ASZ1: variants seen among roughly 807,000 people sequenced by gnomAD.
ASZ1 encodes ankyrin repeat, SAM and basic leucine zipper domain-containing protein 1.
ASZ1 carries 67 observed loss-of-function variants against 61.8 expected under a neutral mutation model. That is an observed-to-expected ratio of 1.08 (90% confidence interval 0.89 to 1.33). The LOEUF (loss-of-function observed/expected upper bound fraction) is 1.33. Among genes scored for constraint, ASZ1 ranks in the 40% most tolerant of loss-of-function variants. The probability of loss-of-function intolerance (pLI) is 0.00; values close to 1 mark genes in which losing one functional copy is unlikely to be tolerated. For missense variants in ASZ1, 577 were observed against 554.5 expected, an observed-to-expected ratio of 1.04 and a Z score of -0.41; for synonymous variants, 193 against 192.7, an observed-to-expected ratio of 1.00 and a Z score of -0.01.
intron 4 of ASZ1, among the ~76,000 whole-genome samples, chr7:117,391,207 T>C (rs539267896): frequency 6.6e-6 from 1 of 152,238 alleles, no homozygotes; most frequent in East Asian, 1.9e-4. Flanking sequence ...AAGTTCCTTA[T>C]AGAGCCTGGA....
At chr7:117,382,502 A>C (rs1796274424) in intron 7 of ASZ1, among the ~76,000 whole-genome samples, 1 of 151,816 alleles carries the variant, frequency 6.6e-6, no homozygotes, top group African/African-American at 2.4e-5. Context: ...AGGCAAAAAA[A>C]CCCACAAAAA....
chr7:117,385,197 A>ATT (rs1278460744), intron 5 of ASZ1, among the ~76,000 whole-genome samples: 81 of 149,314 alleles, frequency 5.4e-4, no homozygotes, highest in African/African-American at 1.9e-3. Context: ...GTGTGTTACA[A>ATT]TTTTTTTTTT....
intron 4 of ASZ1, among the ~76,000 whole-genome samples, chr7:117,402,825 G>A (rs916673327): frequency 6.6e-6 from 1 of 152,112 alleles, no homozygotes; most frequent in Non-Finnish European, 1.5e-5. Context: ...AGATGACACC[G>A]AATATTTAAT....
chr7:117,403,660 C>T (rs138528689), intron 4 of ASZ1, among the ~76,000 whole-genome samples: 36 of 152,270 alleles, frequency 2.4e-4, no homozygotes, highest in African/African-American at 8.7e-4. Context: ...CATTCCCCAT[C>T]ACCCTTTACT....
intron 4 of ASZ1, among the ~76,000 whole-genome samples, chr7:117,394,485 G>A (rs755210909): frequency 7.2e-5 from 11 of 152,096 alleles, no homozygotes; most frequent in East Asian, 1.9e-4. Context: ...GAAGTTTATT[G>A]TGATGTGTCT....
In ASZ1 at chr7:117,382,152, C is replaced by T; in HGVS notation, c.813-8G>A. On this transcript the variant is annotated splice_polypyrimidine_tract_variant and splice_region_variant and intron_variant, in intron 7 of 12. Coordinates refer to ENST00000284629, the MANE Select transcript of ASZ1 (RefSeq NM_130768.3). Reference sequence around the variant, plus strand: ...CCAAATGCTGTATATGAACTGTATACATTTATAGCAATGTCAATTTCAGAA... The same window carrying T: ...CCAAATGCTGTATATGAACTGTATATATTTATAGCAATGTCAATTTCAGAA... 6.5e-7 allele frequency: 1 copy of T among 1,532,566 alleles called. No homozygotes were observed. The highest frequency in any genetic ancestry group is 9.0e-7 in the Non-Finnish European group (1 of 1,109,138). The allele number at this position is 1,532,566 out of a possible 1,614,324, so 94.9% of individuals were successfully genotyped here.
intron 4 of ASZ1, among the ~76,000 whole-genome samples, chr7:117,410,057 C>T (rs1214575891): frequency 6.6e-6 from 1 of 151,634 alleles, no homozygotes; most frequent in African/African-American, 2.4e-5. Flanking sequence ...TTTATTTTTA[C>T]TATTTCCTTG....
chr7:117,408,174 T>C (rs1796827104), intron 4 of ASZ1, among the ~76,000 whole-genome samples: 1 of 152,172 alleles, frequency 6.6e-6, no homozygotes, highest in Non-Finnish European at 1.5e-5. Context: ...TAAAAATTTC[T>C]ACCCTTTAAT....
intron 4 of ASZ1, among the ~76,000 whole-genome samples, chr7:117,394,691 C>T (rs1796545104): frequency 6.6e-6 from 1 of 152,108 alleles, no homozygotes; most frequent in Non-Finnish European, 1.5e-5. Context: ...AAAGGTTCTC[C>T]ATGTCTCTAC....
intron 3 of ASZ1, among the ~76,000 whole-genome samples, chr7:117,420,844 A>T (rs979720137): frequency 6.6e-6 from 1 of 152,202 alleles, no homozygotes; most frequent in Admixed American, 6.5e-5. Context: ...AAACACAAAA[A>T]ACACCTATTT....
intron 4 of ASZ1, among the ~76,000 whole-genome samples, chr7:117,415,661 T>G (rs536737275): frequency 1.3e-5 from 2 of 152,058 alleles, no homozygotes; most frequent in African/African-American, 4.8e-5. Flanking sequence ...AGGCGTCTAC[T>G]AGGGGGTCTT....
rs753555024 is a variant in ASZ1, at chr7:117,385,756, A to C, written c.494T>G (p.Val165Gly). The part of the protein sequence containing the change: ...YAARDGHTQV[V>G]ALLVAHGAEV... ...TGCTCCATGAGCAACAAGGAGAGCA[A>C]CAACCTGGGTGTGACCATCTCGAGC... The change falls in exon 5 of 13, where the codon GTT becomes GGT. Residue 165 changes from valine (V) to glycine (G), a missense_variant. Val to Gly is a moderately radical substitution (Grantham distance 109). Coordinates refer to ENST00000284629, the MANE Select transcript of ASZ1 (RefSeq NM_130768.3). The C allele has an allele frequency of 1.2e-6, 2 of 1,613,764 alleles. No homozygotes were observed. Among genetic ancestry groups the C allele is most frequent in the South Asian group, 2.2e-5 (2 of 91,078 alleles).
intron 4 of ASZ1, among the ~76,000 whole-genome samples, chr7:117,419,265 C>A (rs1797055962): frequency 1.3e-5 from 2 of 152,138 alleles, no homozygotes; most frequent in Admixed American, 1.3e-4. Context: ...ATAGACCTTG[C>A]TTGAGAACCA....
At chr7:117,379,166 T>TACAC (rs1314835634) in intron 10 of ASZ1, among the ~76,000 whole-genome samples, 347 of 61,686 alleles carry the variant, frequency 5.6e-3, no homozygotes, top group Admixed American at 0.041. Context: ...TATATATATA[T>TACAC]ATACACACAC....
intron 12 of ASZ1, among the ~76,000 whole-genome samples, chr7:117,366,787 T>C (rs1795949035): frequency 6.6e-6 from 1 of 152,180 alleles, no homozygotes; most frequent in Non-Finnish European, 1.5e-5. Context: ...CGTGTCTCTT[T>C]AACAGAACCA....
At chr7:117,421,457 C>T (rs1001627379) in intron 3 of ASZ1, among the ~76,000 whole-genome samples, 2 of 152,102 alleles carry the variant, frequency 1.3e-5, no homozygotes, top group Admixed American at 6.5e-5. Flanking sequence ...TCAAGTGATC[C>T]TCCTGCCTTA....
At chr7:117,419,180 G>C (rs1797054085) in intron 4 of ASZ1, among the ~76,000 whole-genome samples, 1 of 152,064 alleles carries the variant, frequency 6.6e-6, no homozygotes, top group Non-Finnish European at 1.5e-5. Flanking sequence ...CTATCCACTA[G>C]GTACCAGTAG....
At chr7:117,400,096 G>T (rs942031829) in intron 4 of ASZ1, among the ~76,000 whole-genome samples, 1 of 152,166 alleles carries the variant, frequency 6.6e-6, no homozygotes, top group Non-Finnish European at 1.5e-5. Context: ...TCACGTCTCT[G>T]TACTGGGGTA....
chr7:117,374,336 AT>A (rs920514905), intron 10 of ASZ1, among the ~76,000 whole-genome samples: 10 of 152,078 alleles, frequency 6.6e-5, no homozygotes, highest in Middle Eastern at 3.2e-3. Flanking sequence ...TCATTAACTC[AT>A]TTATCCAAAT....
Sources: gnomAD v4.1 joint callset for allele counts (sites outside exome capture counted in the v4.1 genomes callset) on GRCh38, gnomAD v4.1.1 for gene constraint, MANE v1.5 for transcripts, NCBI Gene and HGNC (gene_info 2026-07-23, HGNC 2026-07-21) for gene names.